Variants in NKAIN2 observed in about 807,000 individuals in gnomAD.
NKAIN2 encodes sodium/potassium-transporting ATPase subunit beta-1-interacting protein 2.
Under a neutral mutation model 32.6 loss-of-function variants are expected in NKAIN2, and 14 were observed. That is an observed-to-expected ratio of 0.43 (90% CI 0.28 to 0.67). The LOEUF (loss-of-function observed/expected upper bound fraction) is 0.67, where lower values mean the gene tolerates loss of function less well. Among genes scored for constraint, NKAIN2 ranks in the 30% least tolerant of loss-of-function variants. NKAIN2 has a pLI of 0.17. For synonymous variants in NKAIN2, 80 were observed against 87.2 expected (o/e 0.92, Z 0.46); for missense variants, 198 against 258.3 (o/e 0.77, Z 1.60).
chr6:124,579,957 CTT>C (rs1299705372), intron 3 of NKAIN2, among the ~76,000 whole-genome samples: 2 of 152,130 alleles, frequency 1.3e-5, no homozygotes, highest in Non-Finnish European at 2.9e-5. Context: ...AAAAGAAAAA[CTT>C]TTATCCTAGA....
intron 3 of NKAIN2, among the ~76,000 whole-genome samples, chr6:124,415,965 A>G (rs1406989277): frequency 1.5e-5 from 2 of 133,496 alleles, no homozygotes; most frequent in Non-Finnish European, 3.1e-5. Flanking sequence ...CAAATATTTG[A>G]TCTTTGGTTA....
intron 3 of NKAIN2, among the ~76,000 whole-genome samples, chr6:124,632,171 A>G (rs1025099839): frequency 4.6e-5 from 7 of 152,218 alleles, no homozygotes; most frequent in Non-Finnish European, 1.0e-4. Context: ...ACACATCTTA[A>G]TTAAAATTAT....
intron 3 of NKAIN2, among the ~76,000 whole-genome samples, chr6:124,375,980 G>C (rs1483936473): frequency 2.0e-5 from 3 of 152,034 alleles, no homozygotes; most frequent in Non-Finnish European, 4.4e-5. Context: ...AGTTTACATT[G>C]GAGTATGAAT....
intron 1 of NKAIN2, among the ~76,000 whole-genome samples, chr6:124,116,727 G>C (rs1249310333): frequency 6.6e-6 from 1 of 152,014 alleles, no homozygotes; most frequent in African/African-American, 2.4e-5. Context: ...AAAACATCCG[G>C]TAACTTGTAA....
chr6:124,795,678 C>A (rs1779963961), intron 5 of NKAIN2, among the ~76,000 whole-genome samples: 1 of 152,270 alleles, frequency 6.6e-6, no homozygotes, highest in South Asian at 2.1e-4. Flanking sequence ...AAGGTACCGG[C>A]AGATATGGCT....
At chr6:124,490,545 G>C (rs1777823888) in intron 3 of NKAIN2, among the ~76,000 whole-genome samples, 2 of 150,546 alleles carry the variant, frequency 1.3e-5, no homozygotes, top group Admixed American at 1.3e-4. Flanking sequence ...GAGGAGTTAT[G>C]TTGCTTTGTA....
At chr6:124,139,604 G>T (rs1234351181) in intron 1 of NKAIN2, among the ~76,000 whole-genome samples, 1 of 151,982 alleles carries the variant, frequency 6.6e-6, no homozygotes. Flanking sequence ...ATTTAATCTG[G>T]AAAATAAAAC....
intron 5 of NKAIN2, among the ~76,000 whole-genome samples, chr6:124,793,567 C>T (rs1413392907): frequency 6.6e-6 from 1 of 151,420 alleles, no homozygotes; most frequent in African/African-American, 2.4e-5. Flanking sequence ...TTTTTATCTT[C>T]AGACAATACT....
At chr6:123,947,007 C>T (rs1442555378) in intron 1 of NKAIN2, among the ~76,000 whole-genome samples, 1 of 152,156 alleles carries the variant, frequency 6.6e-6, no homozygotes, top group Non-Finnish European at 1.5e-5. Flanking sequence ...CTGCTGGAGT[C>T]TTTATTGAGC....
At chr6:124,450,862 C>G (rs1776077492) in intron 3 of NKAIN2, among the ~76,000 whole-genome samples, 1 of 151,924 alleles carries the variant, frequency 6.6e-6, no homozygotes, top group South Asian at 2.1e-4. Flanking sequence ...AATTTGAACT[C>G]CACTATTTTC....
chr6:124,201,598 C>T (rs1790588391), intron 1 of NKAIN2, among the ~76,000 whole-genome samples: 1 of 151,940 alleles, frequency 6.6e-6, no homozygotes, highest in Non-Finnish European at 1.5e-5. Flanking sequence ...AATGAAATAA[C>T]ACAATATTTT....
intron 1 of NKAIN2, among the ~76,000 whole-genome samples, chr6:124,147,938 G>A (rs9388305): frequency 0.63 from 96,075 of 151,862 alleles, 30,579 homozygotes; most frequent in East Asian, 0.74. Context: ...TCTTAAAAAC[G>A]CGTAGTCCTC....
chr6:124,371,720 AG>A (rs1251601105), intron 3 of NKAIN2, among the ~76,000 whole-genome samples: 1 of 151,240 alleles, frequency 6.6e-6, no homozygotes, highest in Non-Finnish European at 1.5e-5. Context: ...AAAGAAAGAA[AG>A]GAAAAAAAAG....
At position 123,850,369 on chromosome 6, in the gene NKAIN2, TATAC is replaced by T. The variant is rs1325522810; in HGVS notation, c.54+46117_54+46120del. On this transcript the variant is annotated intron_variant, in intron 1 of 6. Transcript: ENST00000368417. ...AAAAAAAAAAAAATATATATATATA[TATAC>T]ACACACACACACGTATATATTTTTT... 7.6e-3 allele frequency among the ~76,000 whole-genome samples: 1,049 copies of T among 138,594 alleles called. 11 individuals are homozygous for T. The highest frequency in any genetic ancestry group is 0.025 in the African/African-American group (987 of 39,096). The allele number at this position is 138,594 out of a possible 152,430, so 90.9% of individuals were successfully genotyped here.
intron 3 of NKAIN2, among the ~76,000 whole-genome samples, chr6:124,449,424 T>G (rs1776014246): frequency 6.6e-6 from 1 of 152,046 alleles, no homozygotes; most frequent in African/African-American, 2.4e-5. Flanking sequence ...ACACTGTTAA[T>G]AAGTAGAAGC....
intron 4 of NKAIN2, among the ~76,000 whole-genome samples, chr6:124,696,420 C>CAAACT (rs1420646376): frequency 6.6e-6 from 1 of 152,090 alleles, no homozygotes; most frequent in Non-Finnish European, 1.5e-5. Context: ...GGGCCACATA[C>CAAACT]AAACTGGTTT....
intron 3 of NKAIN2, among the ~76,000 whole-genome samples, chr6:124,372,600 A>C (rs1799813705): frequency 6.6e-6 from 1 of 152,200 alleles, no homozygotes; most frequent in African/African-American, 2.4e-5. Flanking sequence ...GAAAATATTA[A>C]AAAATACTTT....
At chr6:124,737,907 T>A (rs1269945155) in intron 4 of NKAIN2, among the ~76,000 whole-genome samples, 2 of 151,900 alleles carry the variant, frequency 1.3e-5, no homozygotes, top group African/African-American at 4.8e-5. Context: ...ACTTAGGGTA[T>A]CTGGCAGAAG....
intron 4 of NKAIN2, among the ~76,000 whole-genome samples, chr6:124,704,729 C>A (rs928206828): frequency 2.0e-5 from 3 of 151,738 alleles, no homozygotes; most frequent in Non-Finnish European, 4.4e-5. Flanking sequence ...AGGCAATATA[C>A]CTTAATTCTG....
Sources: gnomAD v4.1 joint callset for allele counts (sites outside exome capture counted in the v4.1 genomes callset) on GRCh38, gnomAD v4.1.1 for gene constraint, MANE v1.5 for transcripts, NCBI Gene and HGNC (gene_info 2026-07-23, HGNC 2026-07-21) for gene names.